Variants in CNTNAP5 observed in about 807,000 individuals in gnomAD.
CNTNAP5 encodes the protein contactin-associated protein-like 5.
Under a neutral mutation model 150.2 loss-of-function variants are expected in CNTNAP5, and 72 were observed. The ratio of observed to expected loss-of-function variants is 0.48; its 90% CI spans 0.40 to 0.58. CNTNAP5 has a LOEUF of 0.58. Ranked by LOEUF, CNTNAP5 falls within the 20% of genes least tolerant of loss-of-function variation. CNTNAP5 has a pLI of 0.00. For synonymous variants in CNTNAP5, 672 were observed against 619.8 expected (o/e 1.08, Z -1.25); for missense variants, 1,636 against 1,626.2 (o/e 1.01, Z -0.10).
intron 3 of CNTNAP5, among the ~76,000 whole-genome samples, chr2:124,337,977 A>C (rs1689519513): frequency 6.6e-6 from 1 of 152,162 alleles, no homozygotes; most frequent in East Asian, 1.9e-4. Context: ...TTTTCATGAT[A>C]TTGATTCTTC....
chr2:124,310,611 C>G (rs1348750805), intron 3 of CNTNAP5, among the ~76,000 whole-genome samples: 2 of 151,766 alleles, frequency 1.3e-5, no homozygotes, highest in Non-Finnish European at 2.9e-5. Context: ...TTTTGAAAAG[C>G]CTTTTTTTTT....
At chr2:124,838,760 G>A (rs896743886) in intron 19 of CNTNAP5, among the ~76,000 whole-genome samples, 1 of 152,228 alleles carries the variant, frequency 6.6e-6, no homozygotes, top group Admixed American at 6.5e-5. Context: ...CAAAAAAATA[G>A]TGGTTAAATT....
chr2:124,675,078 C>A (rs193017120), intron 13 of CNTNAP5, among the ~76,000 whole-genome samples: 7 of 152,060 alleles, frequency 4.6e-5, no homozygotes, highest in African/African-American at 1.7e-4. Context: ...TGCTAAATTG[C>A]CCATTTCTTC....
At chr2:124,864,517 G>A (rs925932208) in intron 19 of CNTNAP5, among the ~76,000 whole-genome samples, 1 of 151,568 alleles carries the variant, frequency 6.6e-6, no homozygotes, top group Non-Finnish European at 1.5e-5. Flanking sequence ...ATTTTGCATT[G>A]TGAGCTAATA....
At chr2:124,548,021 A>G (rs191827928) in intron 10 of CNTNAP5, among the ~76,000 whole-genome samples, 286 of 152,240 alleles carry the variant, frequency 1.9e-3, no homozygotes, top group African/African-American at 6.3e-3. Flanking sequence ...CACCATTTCC[A>G]TCTGAGGTTT....
At chr2:124,723,975 T>C (rs1680100324) in intron 13 of CNTNAP5, among the ~76,000 whole-genome samples, 1 of 151,798 alleles carries the variant, frequency 6.6e-6, no homozygotes, top group African/African-American at 2.4e-5. Flanking sequence ...TGAAATCCCA[T>C]CTCTGTTAAA....
chr2:124,248,180 T>C (rs1383435493), intron 3 of CNTNAP5, among the ~76,000 whole-genome samples: 1 of 152,174 alleles, frequency 6.6e-6, no homozygotes, highest in Non-Finnish European at 1.5e-5. Context: ...GTTGCTTGCA[T>C]GACCTTGAAA....
chr2:124,387,770 C>T (rs894516739), intron 3 of CNTNAP5, among the ~76,000 whole-genome samples: 17 of 151,136 alleles, frequency 1.1e-4, no homozygotes, highest in African/African-American at 3.2e-4. Context: ...TGGATGTATA[C>T]GTGCAAGTCA....
chr2:124,600,555 G>T (rs183982596), intron 11 of CNTNAP5, among the ~76,000 whole-genome samples: 24 of 152,232 alleles, frequency 1.6e-4, no homozygotes, highest in Non-Finnish European at 1.0e-4. Context: ...CGCATCTCAT[G>T]TAAAATGTCT....
In CNTNAP5 at chr2:124,506,840, A is replaced by G. The variant is rs114825431; in HGVS notation, c.1327+2284A>G. ...CCCATAAGGTCACAATTGAATTGCC[A>G]ATGGGGACTGAAGCCATGGCAAGGT... is the stretch of plus-strand genomic sequence containing the variant. On this transcript the variant is annotated intron_variant, in intron 8 of 23. Coordinates refer to ENST00000682447, the MANE Select transcript of CNTNAP5 (RefSeq NM_001367498.1). 7.6e-3 allele frequency among the ~76,000 whole-genome samples: 1,159 copies of G among 152,296 alleles called. 9 individuals carry two copies. Among genetic ancestry groups the G allele is most frequent in the Middle Eastern group, 0.024 (7 of 294 alleles).
intron 4 of CNTNAP5, among the ~76,000 whole-genome samples, chr2:124,424,619 A>G (rs768867545): frequency 6.6e-6 from 1 of 152,166 alleles, no homozygotes; most frequent in Non-Finnish European, 1.5e-5. Flanking sequence ...ACAACACTAA[A>G]ATAAAAGACA....
intron 16 of CNTNAP5, among the ~76,000 whole-genome samples, chr2:124,767,124 G>A (rs1209581390): frequency 3.3e-5 from 5 of 152,176 alleles, no homozygotes; most frequent in African/African-American, 9.6e-5. Flanking sequence ...AACCTCTATA[G>A]ACCAGGCACT....
At chr2:124,137,147 G>A (rs542036893) in intron 1 of CNTNAP5, among the ~76,000 whole-genome samples, 45 of 152,016 alleles carry the variant, frequency 3.0e-4, no homozygotes, top group Non-Finnish European at 5.4e-4. Flanking sequence ...TCACCACCTC[G>A]TACTGCCTAG....
At chr2:124,275,345 A>G (rs528935646) in intron 3 of CNTNAP5, among the ~76,000 whole-genome samples, 7 of 152,258 alleles carry the variant, frequency 4.6e-5, no homozygotes, top group African/African-American at 1.7e-4. Flanking sequence ...TCTAAATCTC[A>G]GTATCAGACC....
At chr2:124,576,007 A>G (rs1452078399) in intron 11 of CNTNAP5, among the ~76,000 whole-genome samples, 2 of 152,154 alleles carry the variant, frequency 1.3e-5, no homozygotes, top group East Asian at 1.9e-4. Flanking sequence ...TTATTTAAAG[A>G]GTATTTCTTA....
chr2:124,886,970 TG>T (rs1678094606), intron 21 of CNTNAP5, among the ~76,000 whole-genome samples: 1 of 152,082 alleles, frequency 6.6e-6, no homozygotes, highest in Non-Finnish European at 1.5e-5. Context: ...CTTCTGTGTG[TG>T]GTCATCCTGG....
intron 13 of CNTNAP5, among the ~76,000 whole-genome samples, chr2:124,731,352 C>CA (rs537554198): frequency 6.7e-5 from 10 of 149,326 alleles, no homozygotes; most frequent in Non-Finnish European, 1.5e-4. Context: ...TTTTTCACTT[C>CA]TTTTTTTTTT....
chr2:124,149,222 C>T (rs1230226324), intron 1 of CNTNAP5, among the ~76,000 whole-genome samples: 1 of 151,940 alleles, frequency 6.6e-6, no homozygotes, highest in African/African-American at 2.4e-5. Flanking sequence ...ATTATCCTTC[C>T]AGTCATTACA....
intron 10 of CNTNAP5, among the ~76,000 whole-genome samples, chr2:124,552,370 C>A (rs1006483064): frequency 1.3e-5 from 2 of 152,184 alleles, no homozygotes. Flanking sequence ...GACACCAGGA[C>A]AGGCCTGGCA....
Sources: gnomAD v4.1 joint callset for allele counts (sites outside exome capture counted in the v4.1 genomes callset) on GRCh38, gnomAD v4.1.1 for gene constraint, MANE v1.5 for transcripts, NCBI Gene and HGNC (gene_info 2026-07-23, HGNC 2026-07-21) for gene names.